The following CFAP65 variants were observed in gnomAD, a reference collection of about 807,000 sequenced individuals.
The protein encoded by CFAP65 is cilia- and flagella-associated protein 65.
A neutral mutation model predicts 208.0 loss-of-function variants in CFAP65; 155 were observed. That is an observed-to-expected ratio of 0.75 (90% CI 0.65 to 0.85). CFAP65 has a LOEUF of 0.85. Among genes scored for constraint, CFAP65 ranks in the 40% least tolerant of loss-of-function variants. The probability of loss-of-function intolerance (pLI) is 0.00; values close to 1 mark genes in which losing one functional copy is unlikely to be tolerated. For missense variants in CFAP65, 2,294 were observed against 2,451.3 expected, an observed-to-expected ratio of 0.94 and a Z score of 1.36; for synonymous variants, 970 against 986.3, an observed-to-expected ratio of 0.98 and a Z score of 0.31.
At chr2:219,040,325 T>A (rs1167467436) in intron 2 of CFAP65, among the ~76,000 whole-genome samples, 194 bp downstream of exon 2, 1 of 152,184 alleles carries the variant, frequency 6.6e-6, no homozygotes. Flanking sequence ...GACACTCTCT[T>A]ATCCCTCCCC....
chr2:219,006,767 G>C (rs989480871), intron 29 of CFAP65, among the ~76,000 whole-genome samples: 1 of 151,488 alleles, frequency 6.6e-6, no homozygotes, highest in African/African-American at 2.4e-5. Flanking sequence ...CTAGGAGGTG[G>C]AGGTTGCAGT....
rs146031757 is a variant in CFAP65 at position 219,013,981 on chromosome 2, C to A, written c.3666G>T (p.Leu1222Phe). The A allele has an allele frequency of 6.2e-7, 1 of 1,613,644 alleles. No individual in the cohort carries two copies. Among genetic ancestry groups the A allele is most frequent in the Non-Finnish European group, 8.5e-7 (1 of 1,179,884 alleles). ...DVELWAEQAELNSTELHQMRV... is the reference protein window; with the variant it reads ...DVELWAEQAEFNSTELHQMRV... ...GCATCTGGTGGAGCTCAGTGGAATTCAACTCTGCTTGCTCTGCCCAGAGCT... is the reference window on the plus strand; with the variant it reads ...GCATCTGGTGGAGCTCAGTGGAATTAAACTCTGCTTGCTCTGCCCAGAGCT... Residue 1222 changes from leucine to phenylalanine, a missense_variant, in exon 22 of 35, where the codon TTG becomes TTT. Physicochemically the swap from Leu to Phe is conservative, Grantham distance 22 (BLOSUM62 0). Transcript: ENST00000341552.
intron 21 of CFAP65, chr2:219,018,850 C>T (rs902929228): frequency 1.8e-5 from 12 of 668,022 alleles, no homozygotes; most frequent in South Asian, 9.1e-5. Flanking sequence ...AGCCTATCAC[C>T]GTGTCTCAGC....
chr2:219,024,470 A>AGGGAGACGGGGGGGG (rs1168795562), intron 14 of CFAP65, among the ~76,000 whole-genome samples: 1 of 6,934 alleles, frequency 1.4e-4, no homozygotes, highest in African/African-American at 7.1e-4. Flanking sequence ...ACCTCCAGAA[A>AGGGAGACGGGGGGGG]GGGGCGGGGG....
Position 219,006,454 on chromosome 2 carries a change from C to T in CFAP65, c.4719+11G>A, listed in dbSNP as rs1388420658. 5 of 1,613,642 alleles carry T rather than the reference C, an allele frequency of 3.1e-6. No homozygotes were observed. Among genetic ancestry groups the T allele is most frequent in the East Asian group, 2.2e-5 (1 of 44,872 alleles). On this transcript the variant is annotated intron_variant, in intron 30 of 34. Coordinates refer to ENST00000341552, the MANE Select transcript of CFAP65 (RefSeq NM_194302.4). ...GTCCCAAGAAGATGGGCCTGGGGCT[C>T]GCCGCCTCACCTTGTACTTCCTCGC...
chr2:219,024,119 G>C lies in CFAP65; in HGVS notation c.2491C>G (p.Pro831Ala), dbSNP rs1947456070. 6.2e-7 allele frequency: 1 copy of C among 1,613,952 alleles called. No individual in the cohort carries two copies. The highest frequency in any genetic ancestry group is 1.7e-5 in the Admixed American group (1 of 60,008). Residue 831 changes from proline to alanine, a missense_variant, in exon 15 of 35, where the codon CCC (proline) becomes GCC (alanine). By Grantham distance (27) the Pro-to-Ala change is conservative (BLOSUM62 -1). Transcript: ENST00000341552. ...ILRPTSGLVA[P>A]GAHQIILICT... ...ATGAGGATGATCTGGTGGGCCCCGG[G>C]TGCCACAAGGCCCGAAGTGGGCCGA...
intron 13 of CFAP65, chr2:219,027,446 A>G (rs759942121): frequency 1.2e-4 from 178 of 1,530,266 alleles, no homozygotes; most frequent in Non-Finnish European, 1.5e-4. Flanking sequence ...AGACTTACAT[A>G]AGAATGAGAA....
intron 15 of CFAP65, 80 bp downstream of exon 15, chr2:219,023,935 C>G (rs1229145992): frequency 2.0e-5 from 30 of 1,523,958 alleles, no homozygotes; most frequent in Non-Finnish European, 2.2e-5. Flanking sequence ...GGGGCCAACC[C>G]CAGAATATGG....
At position 219,004,455 on chromosome 2, in the gene CFAP65, C is replaced by T. The variant is rs1322744458; in HGVS notation, c.5052G>A (p.Arg1684=). Residue 1684 remains arginine, a splice_region_variant and synonymous_variant, in exon 33 of 35, where the codon AGG becomes AGA. Coordinates refer to ENST00000341552, the MANE Select transcript of CFAP65 (RefSeq NM_194302.4). The surrounding 1 kb of genome is among the most constrained non-coding windows in gnomAD (Gnocchi z 4.7). The part of the protein sequence containing the change: ...LLVDILTTII[R]GLLEDKNFHE... ...GGAAGTTCTTGTCTTCCAGCAGGCC[C>T]CTAGGTGGCAGGGAGAAGGAGAAGG... The T allele has an allele frequency of 5.6e-6, 9 of 1,602,298 alleles. No individual in the cohort carries two copies. Among genetic ancestry groups the T allele is most frequent in the Non-Finnish European group, 5.1e-6 (6 of 1,174,278 alleles).
intron 31 of CFAP65, 39 bp downstream of exon 31, chr2:219,005,982 G>A: frequency 6.3e-7 from 1 of 1,593,230 alleles, no homozygotes; most frequent in Non-Finnish European, 8.6e-7. Flanking sequence ...AGGGGACAGA[G>A]AGAAGAGGAA....
In CFAP65 at chr2:219,013,241, A is replaced by G. The variant is rs1946604921; in HGVS notation, c.3957+18T>C. ...CACTTAGGCCTTCTTGGTCAACAGG[A>G]CAATGTGGACCACTGACCTGCCGTG... On this transcript the variant is annotated intron_variant, in intron 24 of 34. Transcript: ENST00000341552. 1.3e-6 allele frequency: 2 copies of G among 1,541,814 alleles called. No individual in the cohort carries two copies. Among genetic ancestry groups the G allele is most frequent in the African/African-American group, 2.7e-5 (2 of 73,664 alleles).
chr2:219,006,400 C>G lies in CFAP65; in HGVS notation c.4719+65G>C. On this transcript the variant is annotated intron_variant, in intron 30 of 34. Transcript: ENST00000341552. ...TCTGGTCCAGGGGTTGGAGGTCTCT[C>G]TGGGAGCAAGCAAGGACCCTCCCAA... 3.8e-6 allele frequency: 6 copies of G among 1,589,532 alleles called. No individual in the cohort carries two copies. In the South Asian group the frequency reaches 6.6e-5, roughly 18 times the overall value.
At chr2:219,027,128 T>G in intron 13 of CFAP65, 2 of 1,099,166 alleles carry the variant, frequency 1.8e-6, no homozygotes, top group Non-Finnish European at 1.1e-6. Flanking sequence ...GACTAACGGA[T>G]GAGGAGGGGG....
chr2:219,019,679 G>A lies in CFAP65; in HGVS notation c.3300C>T (p.Ser1100=). Residue 1100 remains serine (S), a synonymous_variant, in exon 20 of 35, where the codon TCC becomes TCT. Coordinates refer to ENST00000341552, the MANE Select transcript of CFAP65 (RefSeq NM_194302.4). ...AGEKQELCCV[S]LVAVYPLLSI... is the part of the protein sequence containing the mutation. ...AAAGCAAGGGGTACACGGCCACCAG[G>A]GAGACGCAGCACAGCTCCTGCTTCT... The A allele has an allele frequency of 6.2e-7, 1 of 1,613,598 alleles. No individual in the cohort carries two copies. Among genetic ancestry groups the A allele is most frequent in the Non-Finnish European group, 8.5e-7 (1 of 1,180,032 alleles).
Position 219,023,353 on chromosome 2 carries a change from A to G in CFAP65, c.2674T>C (p.Trp892Arg), listed in dbSNP as rs1429847606. The G allele has an allele frequency of 6.2e-7, 1 of 1,609,286 alleles. No homozygotes were observed. The highest frequency in any genetic ancestry group is 8.5e-7 in the Non-Finnish European group (1 of 1,177,898). The change falls in exon 16 of 35, where the codon TGG becomes CGG. Residue 892 changes from tryptophan (W) to arginine (R), a missense_variant. Transcript: ENST00000341552. ...GGGCTGGTGGAGGAGCAGCCCACCCAGGTGGGCTTGAAGTAGAGGCTTTTG... is the reference window on the plus strand; with the variant it reads ...GGGCTGGTGGAGGAGCAGCCCACCCGGGTGGGCTTGAAGTAGAGGCTTTTG... ...THKSLYFKPT[W>R]VGCSSTSPFT...
At chr2:219,010,735 T>C in intron 25 of CFAP65, 31 bp from the exon 26 acceptor site, 1 of 1,592,114 alleles carries the variant, frequency 6.3e-7, no homozygotes, top group Non-Finnish European at 8.6e-7. Flanking sequence ...GGGTAGGGAC[T>C]GGTCAGAGGG....
At position 219,035,647 on chromosome 2, in the gene CFAP65, G is replaced by A; in HGVS notation, c.375C>T (p.Asp125=). The A allele has an allele frequency of 6.2e-7, 1 of 1,613,550 alleles. No individual in the cohort carries two copies. Among genetic ancestry groups the A allele is most frequent in the Non-Finnish European group, 8.5e-7 (1 of 1,179,618 alleles). ...TISAQPASSM[D]TQMHSPKKQE... Reference sequence around the variant, plus strand: ...GCTTCTTTGGGGAGTGCATCTGAGTGTCCATGGAGCTTGCGGGCTGTTCAG... The same window carrying A: ...GCTTCTTTGGGGAGTGCATCTGAGTATCCATGGAGCTTGCGGGCTGTTCAG... The change falls in exon 5 of 35, where the codon GAC becomes GAT. Residue 125 remains aspartate (D), a synonymous_variant. Transcript: ENST00000341552.
In CFAP65 at chr2:219,038,537, G is replaced by T. The variant is rs747303040; in HGVS notation, c.195C>A (p.Asp65Glu). The change falls in exon 4 of 35, where the codon GAC (aspartate) becomes GAA (glutamate). Residue 65 changes from aspartate to glutamate, a missense_variant. Around this residue, in one of 2 missense-constraint regions of CFAP65, gnomAD observed 867 missense variants for 1,012.6 expected, o/e 0.86. Transcript: ENST00000341552. ...QSAPFGLCPK[D>E]MMLTQAPSSV... ...AGCTTGGAGCCTGGGTGAGCATCAT[G>T]TCCTTGGGACACAGTCCAAAGGGAG... The T allele has an allele frequency of 1.5e-5, 25 of 1,614,144 alleles. No homozygotes were observed. The highest frequency in any genetic ancestry group is 2.0e-5 in the Non-Finnish European group (24 of 1,180,024).
Position 219,032,327 on chromosome 2 carries a change from C to T in CFAP65, c.645+143G>A, listed in dbSNP as rs554731616. On this transcript the variant is annotated intron_variant, in intron 6 of 34. Transcript: ENST00000341552. This position sits in a 1 kb window ranked among gnomAD's most constrained non-coding sequence, Gnocchi z 5.5. ...ATGAGATGAGGGGCTAAGCCCTTGA[C>T]GGGGCCTCCCAAGCTGGATTGCTGC... 1.3e-3 allele frequency: 870 copies of T among 648,554 alleles called. 3 individuals carry two copies. The highest frequency in any genetic ancestry group is 4.5e-3 in the South Asian group (200 of 44,190). The allele number at this position is 648,554 out of a possible 1,614,324, so 40.2% of individuals were successfully genotyped here.
Sources: gnomAD v4.1 joint callset for allele counts (sites outside exome capture counted in the v4.1 genomes callset) on GRCh38, gnomAD v4.1.1 for gene constraint, gnomAD v4.1.1 regional missense constraint, Gnocchi (gnomAD v3.1) non-coding constraint, MANE v1.5 for transcripts, NCBI Gene and HGNC (gene_info 2026-07-23, HGNC 2026-07-21) for gene names.